UNC13B: variants seen among roughly 807,000 people sequenced by gnomAD.
The protein encoded by UNC13B is protein unc-13 homolog B.
UNC13B carries 144 observed loss-of-function variants against 211.0 expected under a neutral mutation model. That is an observed-to-expected ratio of 0.68 (90% CI 0.60 to 0.78). The LOEUF is 0.78. Ranked by LOEUF, UNC13B falls within the 30% of genes least tolerant of loss-of-function variation. UNC13B has a pLI of 0.00. For missense variants in UNC13B, 1,777 were observed against 2,002.0 expected, an observed-to-expected ratio of 0.89 and a Z score of 2.14; for synonymous variants, 709 against 725.8, an observed-to-expected ratio of 0.98 and a Z score of 0.37.
At chr9:35,177,082 G>A (rs369794142) in intron 1 of UNC13B, among the ~76,000 whole-genome samples, 23 of 152,056 alleles carry the variant, frequency 1.5e-4, no homozygotes, top group Admixed American at 3.3e-4. Flanking sequence ...GAGCCACAGC[G>A]CAGCCTGGCC....
At chr9:35,183,305 A>C (rs1386955567) in intron 1 of UNC13B, among the ~76,000 whole-genome samples, 2 of 95,020 alleles carry the variant, frequency 2.1e-5, no homozygotes, top group Non-Finnish European at 2.1e-5. Flanking sequence ...GGCGCCCCTC[A>C]CCTCCCAGGC....
At position 35,270,764 on chromosome 9, in the gene UNC13B, C is replaced by T. The variant is rs969500106; in HGVS notation, c.526+11714C>T. Among the ~76,000 whole-genome samples the T allele has an allele frequency of 2.6e-5, 4 of 152,144 alleles. No individual in the cohort carries two copies. In the East Asian group the frequency reaches 7.7e-4, roughly 29 times the overall value. On this transcript the variant is annotated intron_variant, in intron 7 of 39. Transcript: ENST00000635942. ...TTGTAGAAGTTAATCAAGGTTCACA[C>T]ATTGCATTTGTATGTGGTGTGATTT...
intron 1 of UNC13B, among the ~76,000 whole-genome samples, chr9:35,216,698 T>C (rs1271532978): frequency 6.6e-6 from 1 of 152,142 alleles, no homozygotes; most frequent in African/African-American, 2.4e-5. Context: ...TTGAAAAATA[T>C]TTAATCCACA....
intron 7 of UNC13B, among the ~76,000 whole-genome samples, chr9:35,260,771 GTCC>G (rs1156873103): frequency 6.6e-6 from 1 of 152,070 alleles, no homozygotes; most frequent in Non-Finnish European, 1.5e-5. Context: ...AGGTTTACAG[GTCC>G]TTTTCAAAAC....
intron 1 of UNC13B, among the ~76,000 whole-genome samples, chr9:35,212,928 A>G (rs2131423918): frequency 6.6e-6 from 1 of 152,334 alleles, no homozygotes; most frequent in Non-Finnish European, 1.5e-5. Flanking sequence ...CCTAGATTTT[A>G]GTTCCAGACC....
intron 6 of UNC13B, among the ~76,000 whole-genome samples, chr9:35,257,393 T>TAAAAATATTTATATAAATATTTATA (rs1826978243): frequency 1.4e-5 from 2 of 139,326 alleles, no homozygotes; most frequent in Non-Finnish European, 3.1e-5. Context: ...TAAATATTTA[T>TAAAAATATTTATATAAATATTTATA]AAAAATATTT....
chr9:35,190,998 C>T (rs776542327), intron 1 of UNC13B, among the ~76,000 whole-genome samples: 7 of 151,990 alleles, frequency 4.6e-5, no homozygotes, highest in East Asian at 3.9e-4. Context: ...CTCGCTCTGT[C>T]GCCCAGGCTG....
chr9:35,236,041 G>A (rs1825487580), intron 3 of UNC13B, among the ~76,000 whole-genome samples: 1 of 117,390 alleles, frequency 8.5e-6, no homozygotes, highest in Non-Finnish European at 1.6e-5. Flanking sequence ...CATAATTAAT[G>A]TATACAATTT....
chr9:35,299,184 A>G (rs1446944336), intron 8 of UNC13B, among the ~76,000 whole-genome samples: 5 of 152,312 alleles, frequency 3.3e-5, no homozygotes, highest in Admixed American at 6.5e-5. Flanking sequence ...ATGAGCTGAG[A>G]ATGTGCCATT....
At chr9:35,397,456 C>T in intron 29 of UNC13B, 146 bp downstream of exon 29, 1 of 1,397,128 alleles carries the variant, frequency 7.2e-7, no homozygotes, top group Admixed American at 2.0e-5. Flanking sequence ...CTGGGGCAGA[C>T]AGATGGTTCT....
At position 35,179,362 on chromosome 9, in the gene UNC13B, G is replaced by C. The variant is rs1821809975; in HGVS notation, c.22+17057G>C. Among the ~76,000 whole-genome samples, 3 of 152,130 alleles carry C rather than the reference G, an allele frequency of 2.0e-5. No homozygotes were observed. In the South Asian group the frequency reaches 6.2e-4, roughly 32 times the overall value. ...TTTAATATTTTCATAAAAAATAAAA[G>C]GAGTTTAATAAAATCCCTTTTTTTC... On this transcript the variant is annotated intron_variant, in intron 1 of 39. Transcript: ENST00000635942.
At chr9:35,165,484 C>T (rs1050517607) in intron 1 of UNC13B, among the ~76,000 whole-genome samples, 1 of 147,942 alleles carries the variant, frequency 6.8e-6, no homozygotes, top group East Asian at 2.0e-4. Flanking sequence ...GTGGCATGAT[C>T]TCAGCTCACT....
intron 25 of UNC13B, 146 bp downstream of exon 25, chr9:35,390,119 T>C: frequency 7.0e-7 from 1 of 1,437,792 alleles, no homozygotes; most frequent in Non-Finnish European, 9.4e-7. Context: ...TGTATCTGTC[T>C]GGGTAACTGT....
intron 22 of UNC13B, chr9:35,385,438 G>A: frequency 1.0e-6 from 1 of 985,452 alleles, no homozygotes. Flanking sequence ...GTGTGTGCCT[G>A]TGTGTTCCTT....
At chr9:35,385,643 A>G in intron 22 of UNC13B, 81 bp from the exon 23 acceptor site, 1 of 1,487,610 alleles carries the variant, frequency 6.7e-7, no homozygotes, top group Non-Finnish European at 9.0e-7. Context: ...CAATTAGGGA[A>G]GCTTTTGATA....
intron 10 of UNC13B, 36 bp downstream of exon 10, chr9:35,310,817 T>G (rs536970236): frequency 4.4e-6 from 7 of 1,582,046 alleles, no homozygotes; most frequent in Non-Finnish European, 6.0e-6. Flanking sequence ...TCACATGGCT[T>G]CCTCAGTACC....
chr9:35,400,450 C>T lies in UNC13B; in HGVS notation c.12484+7C>T, dbSNP rs746396624. On this transcript the variant is annotated splice_region_variant and intron_variant, in intron 37 of 39. Coordinates refer to ENST00000635942, the MANE Select transcript of UNC13B (RefSeq NM_001371189.2). ...CGCTCGCAGACCACCCAAGGTAAGGCCCTGAGGGCTTTGGGTATCCACCTC... is the reference window on the plus strand; with the variant it reads ...CGCTCGCAGACCACCCAAGGTAAGGTCCTGAGGGCTTTGGGTATCCACCTC... 4.3e-6 allele frequency: 7 copies of T among 1,611,226 alleles called. No homozygotes were observed. In the African/African-American group the frequency reaches 8.0e-5, roughly 18 times the overall value.
chr9:35,378,275 T>C lies in UNC13B; in HGVS notation c.10064-20T>C, dbSNP rs2132235847. On this transcript the variant is annotated intron_variant, in intron 16 of 39. Transcript: ENST00000635942. ...GCTTCTGAACGACTCTGAAGCCTCC[T>C]ATACATGCTTGGGTTGCAGTGGTGT... 6.2e-7 allele frequency: 1 copy of C among 1,614,114 alleles called. No individual in the cohort carries two copies. The highest frequency in any genetic ancestry group is 2.2e-5 in the East Asian group (1 of 44,874).
At chr9:35,266,408 A>G (rs1163450454) in intron 7 of UNC13B, among the ~76,000 whole-genome samples, 1 of 152,178 alleles carries the variant, frequency 6.6e-6, no homozygotes, top group Non-Finnish European at 1.5e-5. Context: ...CTTTGATACA[A>G]GAGTTACTGT....
Sources: gnomAD v4.1 joint callset for allele counts (sites outside exome capture counted in the v4.1 genomes callset) on GRCh38, gnomAD v4.1.1 for gene constraint, MANE v1.5 for transcripts, NCBI Gene and HGNC (gene_info 2026-07-23, HGNC 2026-07-21) for gene names.